Variants in KIF26B observed in about 807,000 individuals in gnomAD.
The protein encoded by KIF26B is kinesin family member 26B, also known as kinesin-like protein KIF26B.
A neutral mutation model predicts 151.2 loss-of-function variants in KIF26B; 63 were observed. The ratio of observed to expected loss-of-function variants is 0.42; its 90% CI spans 0.34 to 0.51. The LOEUF is 0.51. Ranked by LOEUF, KIF26B falls within the 20% of genes least tolerant of loss-of-function variation. The pLI, the probability that KIF26B is intolerant of heterozygous loss-of-function variation, is 0.07. For synonymous variants in KIF26B, 1,357 were observed against 1,262.1 expected (o/e 1.08, Z -1.59); for missense variants, 2,813 against 2,913.6 (o/e 0.97, Z 0.79).
At chr1:245,666,883 C>T (rs184895407) in intron 10 of KIF26B, among the ~76,000 whole-genome samples, 73 of 152,282 alleles carry the variant, frequency 4.8e-4, no homozygotes, top group African/African-American at 1.7e-3. Flanking sequence ...ACACAGCTAA[C>T]AGCGGGGTCT....
At position 245,540,891 on chromosome 1, in the gene KIF26B, G is replaced by A. The variant is rs1039892335; in HGVS notation, c.1291G>A (p.Ala431Thr). The A allele has an allele frequency of 6.2e-7, 1 of 1,613,904 alleles. No individual in the cohort carries two copies. The highest frequency in any genetic ancestry group is 8.5e-7 in the Non-Finnish European group (1 of 1,179,864). The change falls in exon 5 of 15, where the codon GCC (alanine) becomes ACC (threonine). Residue 431 changes from alanine to threonine, a missense_variant. Coordinates refer to ENST00000407071, the MANE Select transcript of KIF26B (RefSeq NM_018012.4). The surrounding 1 kb of genome is among the most constrained non-coding windows in gnomAD (Gnocchi z 4.6). ...GATTCTGCAGACCTCCCCTCCCCCA[G>A]CCCCACCCTGCCTGCTGAGGGCTGT... ...SGILQTSPPP[A>T]PPCLLRAVNK...
chr1:245,330,412 C>T lies in KIF26B; in HGVS notation c.466-36422C>T, dbSNP rs1351508756. 7.0e-3 allele frequency among the ~76,000 whole-genome samples: 5 copies of T among 718 alleles called. No individual in the cohort carries two copies. The East Asian group carries it at 0.1, about 14-fold the overall frequency. The allele number at this position is 718 out of a possible 152,430, so 0.5% of individuals were successfully genotyped here. On this transcript the variant is annotated intron_variant, in intron 2 of 14. Transcript: ENST00000407071. ...GTGTGAAGATGAGCAGCAGGGACAA[C>T]GGGTGGGTGGGGGGAGGGAGTGGGG...
intron 4 of KIF26B, among the ~76,000 whole-genome samples, chr1:245,438,961 T>C (rs1442091703): frequency 1.3e-5 from 2 of 152,184 alleles, no homozygotes; most frequent in Non-Finnish European, 2.9e-5. Flanking sequence ...GATTTGCTTA[T>C]GATCTTGACT....
Position 245,709,115 on chromosome 1 carries a change from C to G in KIF26B, c.*6509C>G, listed in dbSNP as rs895603300. 1.3e-5 allele frequency: 2 copies of G among 152,226 alleles called. No homozygotes were observed. Among genetic ancestry groups the G allele is most frequent in the African/African-American group, 4.8e-5 (2 of 41,456 alleles). The allele number at this position is 152,226 out of a possible 1,614,324, so 9.4% of individuals were successfully genotyped here. A position where few individuals can be genotyped will look rare whatever the true frequency, so the allele number is the denominator to read the frequency against. Reference sequence around the variant, plus strand: ...GAAATTCAACTCTTCTGTACTTGGGCAGGTCCCAGCAGCCCCTTGGCAGGC... The same window carrying G: ...GAAATTCAACTCTTCTGTACTTGGGGAGGTCCCAGCAGCCCCTTGGCAGGC... On this transcript the variant is annotated 3_prime_UTR_variant, in exon 15 of 15. Transcript: ENST00000407071.
intron 2 of KIF26B, among the ~76,000 whole-genome samples, chr1:245,263,112 C>T (rs1213736175): frequency 6.6e-6 from 1 of 152,236 alleles, no homozygotes; most frequent in Non-Finnish European, 1.5e-5. Context: ...ATCAGACTTA[C>T]AGGTCACTGC....
intron 4 of KIF26B, among the ~76,000 whole-genome samples, chr1:245,449,058 A>C (rs1659317118): frequency 6.6e-6 from 1 of 152,252 alleles, no homozygotes; most frequent in Non-Finnish European, 1.5e-5. Context: ...TTGAGGATTT[A>C]TTCTGTGTTG....
intron 2 of KIF26B, among the ~76,000 whole-genome samples, chr1:245,270,742 G>C (rs1457924447): frequency 1.3e-5 from 2 of 152,080 alleles, no homozygotes; most frequent in Non-Finnish European, 2.9e-5. Context: ...CTCTGTTGAT[G>C]CTTTCCTTTG....
chr1:245,359,993 C>G lies in KIF26B; in HGVS notation c.466-6841C>G, dbSNP rs538278317. On this transcript the variant is annotated intron_variant, in intron 2 of 14. Transcript: ENST00000407071. ...GTTCAAGTGATTCTCGTGCCTCAGCCTCCTGAGTAGCTGGGATTACAGGCA... is the reference window on the plus strand; with the variant it reads ...GTTCAAGTGATTCTCGTGCCTCAGCGTCCTGAGTAGCTGGGATTACAGGCA... Among the ~76,000 whole-genome samples, 3 of 151,700 alleles carry G rather than the reference C, an allele frequency of 2.0e-5. No individual in the cohort carries two copies. The South Asian group carries it at 6.3e-4, about 32-fold the overall frequency.
intron 5 of KIF26B, among the ~76,000 whole-genome samples, chr1:245,582,985 G>A (rs1163273502): frequency 1.3e-5 from 2 of 151,914 alleles, no homozygotes; most frequent in East Asian, 1.9e-4. Flanking sequence ...AGGTGGCAGC[G>A]GCCATAATTC....
rs1238476230 is a variant in KIF26B, at chr1:245,688,726, C to T, written c.5743C>T (p.Gln1915Ter). The T allele has an allele frequency of 6.2e-7, 1 of 1,608,976 alleles. No individual in the cohort carries two copies. Among genetic ancestry groups the T allele is most frequent in the Non-Finnish European group, 8.5e-7 (1 of 1,178,350 alleles). ...SEATGSASSA[Q>*]DSTSENSSSV... ...GGCCACCGGCAGCGCGTCCTCGGCGCAGGACTCCACGAGCGAGAACAGCAG... is the reference window on the plus strand; with the variant it reads ...GGCCACCGGCAGCGCGTCCTCGGCGTAGGACTCCACGAGCGAGAACAGCAG... Residue 1915 changes from glutamine (Q) to a stop codon, truncating the protein, a stop_gained, in exon 12 of 15, where the codon CAG becomes TAG. Transcript: ENST00000407071. LOFTEE classifies it high-confidence loss of function.
chr1:245,561,093 G>C (rs2042942546), intron 5 of KIF26B, among the ~76,000 whole-genome samples: 1 of 152,230 alleles, frequency 6.6e-6, no homozygotes, highest in Non-Finnish European at 1.5e-5. Flanking sequence ...TGACCTGGGA[G>C]CTGGGAACCT....
intron 2 of KIF26B, among the ~76,000 whole-genome samples, chr1:245,280,468 T>C (rs1303027833): frequency 7.0e-6 from 1 of 143,606 alleles, no homozygotes; most frequent in Non-Finnish European, 1.5e-5. Context: ...GAGACAGAGC[T>C]TGCAGTAAGC....
chr1:245,588,466 C>T (rs553820010), intron 5 of KIF26B, among the ~76,000 whole-genome samples: 12 of 152,214 alleles, frequency 7.9e-5, no homozygotes, highest in African/African-American at 2.4e-4. Context: ...GTCTCATTAG[C>T]GTTTGCTCCT....
At chr1:245,288,023 A>G (rs1297504907) in intron 2 of KIF26B, among the ~76,000 whole-genome samples, 1 of 152,044 alleles carries the variant, frequency 6.6e-6, no homozygotes, top group Non-Finnish European at 1.5e-5. Context: ...GAAATCCACC[A>G]GCAGAATCAA....
At chr1:245,323,821 CAG>C (rs2102988016) in intron 2 of KIF26B, among the ~76,000 whole-genome samples, 1 of 152,306 alleles carries the variant, frequency 6.6e-6, no homozygotes, top group Admixed American at 6.5e-5. Flanking sequence ...CGGGAATAAA[CAG>C]GGGAAGCATA....
In KIF26B at chr1:245,401,892, A is replaced by AC. The variant is rs1558151703; in HGVS notation, c.1000-17687_1000-17686insC. 1.1e-4 allele frequency among the ~76,000 whole-genome samples: 16 copies of AC among 148,358 alleles called. 1 individual carries two copies. Among genetic ancestry groups the AC allele is most frequent in the South Asian group, 6.2e-4 (3 of 4,808 alleles). ...CTCCAAACAAACAAACAAACAAAGA[A>AC]ACACACACACACAAAAACACCACCA... is the stretch of plus-strand genomic sequence containing the variant. On this transcript the variant is annotated intron_variant, in intron 3 of 14. Transcript: ENST00000407071.
At chr1:245,221,610 T>G (rs1020687259) in intron 2 of KIF26B, among the ~76,000 whole-genome samples, 12 of 152,218 alleles carry the variant, frequency 7.9e-5, no homozygotes, top group African/African-American at 2.7e-4. Context: ...TTTCACCATG[T>G]TGGCCAGGCT....
At chr1:245,273,941 C>A (rs1346877924) in intron 2 of KIF26B, among the ~76,000 whole-genome samples, 1 of 152,114 alleles carries the variant, frequency 6.6e-6, no homozygotes, top group African/African-American at 2.4e-5. Context: ...TCTTTTGTCC[C>A]TCTCACTGTC....
chr1:245,314,717 G>A (rs933982505), intron 2 of KIF26B, among the ~76,000 whole-genome samples: 4 of 152,094 alleles, frequency 2.6e-5, no homozygotes, highest in Admixed American at 1.3e-4. Flanking sequence ...TGGTGTCAGC[G>A]CCTACCTGTA....
Sources: allele counts gnomAD v4.1 joint callset (sites outside exome capture counted in the v4.1 genomes callset), GRCh38; gene constraint gnomAD v4.1.1; non-coding constraint Gnocchi (gnomAD v3.1); transcripts MANE v1.5; gene names NCBI Gene and HGNC (gene_info 2026-07-23, HGNC 2026-07-21).